Variants in GADL1 observed in about 807,000 individuals in gnomAD.
GADL1 encodes the protein acidic amino acid decarboxylase GADL1.
Under a neutral mutation model 69.5 loss-of-function variants are expected in GADL1, and 71 were observed. The observed-to-expected ratio is 1.02, with a 90% confidence interval of 0.84 to 1.25. The LOEUF is 1.25. Ranked by LOEUF, GADL1 falls within the 50% of genes most tolerant of loss-of-function variation. The pLI is 0.00. For missense variants in GADL1, 737 were observed against 631.8 expected, an observed-to-expected ratio of 1.17 and a Z score of -1.79; for synonymous variants, 254 against 214.4, an observed-to-expected ratio of 1.18 and a Z score of -1.62.
chr3:30,852,106 A>G (rs1333611004), intron 4 of GADL1, among the ~76,000 whole-genome samples: 2 of 152,180 alleles, frequency 1.3e-5, no homozygotes, highest in African/African-American at 2.4e-5. Flanking sequence ...TTATTTTAAC[A>G]TCTGGAAAGG....
chr3:30,876,942 C>G (rs997179246), intron 1 of GADL1, among the ~76,000 whole-genome samples: 2 of 151,872 alleles, frequency 1.3e-5, no homozygotes, highest in Admixed American at 6.6e-5. Flanking sequence ...AATCACCTTA[C>G]AAACTAACTA....
At chr3:30,788,950 C>T (rs890769581) in intron 12 of GADL1, among the ~76,000 whole-genome samples, 1 of 152,116 alleles carries the variant, frequency 6.6e-6, no homozygotes, top group Admixed American at 6.6e-5. Flanking sequence ...AAGTCTTATA[C>T]CCCTAAAAGT....
At chr3:30,838,869 C>T (rs1697917050) in intron 9 of GADL1, 128 bp downstream of exon 9, 2 of 580,906 alleles carry the variant, frequency 3.4e-6, no homozygotes, top group Non-Finnish European at 6.2e-6. Flanking sequence ...ATACTTATTT[C>T]CCCCAATTTG....
intron 14 of GADL1, among the ~76,000 whole-genome samples, chr3:30,740,925 CA>C (rs1303076266): frequency 4.5e-5 from 6 of 132,078 alleles, no homozygotes; most frequent in Non-Finnish European, 9.2e-5. Context: ...ATATAAAAAA[CA>C]AATATATTAT....
intron 11 of GADL1, among the ~76,000 whole-genome samples, chr3:30,830,832 G>A (rs1318735816): frequency 6.6e-6 from 1 of 151,804 alleles, no homozygotes; most frequent in Non-Finnish European, 1.5e-5. Flanking sequence ...AGCACTAAAA[G>A]GTGTTTCACT....
rs1698324267 is a variant in GADL1, at chr3:30,861,739, G to GTC, written c.63_64insGA (p.Pro22AspfsTer15). The GTC allele has an allele frequency of 6.5e-7, 1 of 1,546,940 alleles. No homozygotes were observed. Among genetic ancestry groups the GTC allele is most frequent in the Admixed American group, 2.0e-5 (1 of 50,328 alleles). On this transcript the variant is annotated frameshift_variant, in exon 2 of 15. Transcript: ENST00000282538. LOFTEE classifies it high-confidence loss of function. ...ACAAGAACAGCATTCTTCTTACTTG[G>GTC]AATCATCTCTTGTTGATCAATATCT...
intron 11 of GADL1, among the ~76,000 whole-genome samples, chr3:30,830,110 T>C (rs942528505): frequency 6.6e-6 from 1 of 151,858 alleles, no homozygotes; most frequent in East Asian, 2.0e-4. Flanking sequence ...TCTGATCTCC[T>C]CTCACCTTTC....
chr3:30,855,701 T>TTCTCAA (rs1250383935), intron 3 of GADL1, among the ~76,000 whole-genome samples: 1 of 152,068 alleles, frequency 6.6e-6, no homozygotes, highest in Non-Finnish European at 1.5e-5. Context: ...TGGCTTGGCA[T>TTCTCAA]TCTCAATCTC....
At chr3:30,821,410 T>A (rs879564524) in intron 11 of GADL1, among the ~76,000 whole-genome samples, 1 of 152,036 alleles carries the variant, frequency 6.6e-6, no homozygotes, top group Admixed American at 6.6e-5. Flanking sequence ...TTTTTTTCTC[T>A]TTTTTTATAC....
At chr3:30,874,178 C>T (rs1698544111) in intron 1 of GADL1, among the ~76,000 whole-genome samples, 2 of 151,858 alleles carry the variant, frequency 1.3e-5, no homozygotes, top group African/African-American at 4.8e-5. Flanking sequence ...TCCCTTTATG[C>T]CACACAGATT....
chr3:30,887,614 T>A (rs183089682), intron 1 of GADL1, among the ~76,000 whole-genome samples: 60 of 152,198 alleles, frequency 3.9e-4, no homozygotes, highest in Non-Finnish European at 3.8e-4. Context: ...CTATTTTTTT[T>A]ATGAATTATT....
chr3:30,806,550 T>C (rs1227752052), intron 11 of GADL1, among the ~76,000 whole-genome samples: 4 of 152,100 alleles, frequency 2.6e-5, no homozygotes, highest in Admixed American at 6.5e-5. Flanking sequence ...GGAGATGTAA[T>C]GGTAAATAAA....
chr3:30,850,639 A>G (rs1034839698), intron 5 of GADL1, among the ~76,000 whole-genome samples, 196 bp downstream of exon 5: 2 of 152,186 alleles, frequency 1.3e-5, no homozygotes, highest in African/African-American at 4.8e-5. Context: ...CTCATTCATT[A>G]AGTATGTATG....
At chr3:30,808,721 A>G (rs1697299852) in intron 11 of GADL1, among the ~76,000 whole-genome samples, 1 of 152,178 alleles carries the variant, frequency 6.6e-6, no homozygotes, top group Non-Finnish European at 1.5e-5. Context: ...CAAGTGGGAA[A>G]AATAACCCTC....
chr3:30,751,697 G>C, intron 14 of GADL1, among the ~76,000 whole-genome samples: 1 of 152,028 alleles, frequency 6.6e-6, no homozygotes, highest in Non-Finnish European at 1.5e-5. Flanking sequence ...AACTACAATC[G>C]TGTCTCATAG....
chr3:30,756,364 A>G (rs1454808108), intron 14 of GADL1, among the ~76,000 whole-genome samples: 1 of 152,120 alleles, frequency 6.6e-6, no homozygotes, highest in Non-Finnish European at 1.5e-5. Flanking sequence ...GGATGTGTAA[A>G]CACTTGTCAA....
intron 13 of GADL1, among the ~76,000 whole-genome samples, chr3:30,782,100 G>A (rs1342069267): frequency 1.3e-5 from 2 of 152,192 alleles, no homozygotes; most frequent in Admixed American, 1.3e-4. Context: ...ACTGAAGAGA[G>A]GTGAAGCTAG....
intron 1 of GADL1, among the ~76,000 whole-genome samples, chr3:30,893,122 C>A (rs1698806695): frequency 6.6e-6 from 1 of 152,246 alleles, no homozygotes; most frequent in Admixed American, 6.5e-5. Context: ...TCCCAAAGTG[C>A]TGGGATTATA....
intron 11 of GADL1, among the ~76,000 whole-genome samples, chr3:30,828,011 A>G (rs1163870833): frequency 1.3e-5 from 2 of 151,886 alleles, no homozygotes; most frequent in East Asian, 3.9e-4. Flanking sequence ...GTACAGAAAA[A>G]GTGTGAGTGT....
Sources: allele counts gnomAD v4.1 joint callset (sites outside exome capture counted in the v4.1 genomes callset), GRCh38; gene constraint gnomAD v4.1.1; transcripts MANE v1.5; gene names NCBI Gene and HGNC (gene_info 2026-07-23, HGNC 2026-07-21).